Variants in ZNF549 observed in about 807,000 individuals in gnomAD.
ZNF549 encodes zinc finger protein 549.
ZNF549 carries 11 observed loss-of-function variants against 11.1 expected under a neutral mutation model. The observed-to-expected ratio is 0.99, with a 90% confidence interval of 0.62 to 1.64. The LOEUF (loss-of-function observed/expected upper bound fraction) is 1.64, where lower values mean the gene tolerates loss of function less well. Ranked by LOEUF, ZNF549 falls within the 40% of genes most tolerant of loss-of-function variation. ZNF549 has a pLI of 0.00. For synonymous variants in ZNF549, 266 were observed against 269.1 expected (o/e 0.99, Z 0.11); for missense variants, 748 against 765.1 (o/e 0.98, Z 0.26).
chr19:57,531,289 C>T (rs981890045), intron 2 of ZNF549, among the ~76,000 whole-genome samples, 181 bp downstream of exon 2: 49 of 152,176 alleles, frequency 3.2e-4, no homozygotes, highest in African/African-American at 1.2e-3. Context: ...GTTCCCATTT[C>T]TGCATCCAAT....
In ZNF549 at chr19:57,537,963, T is replaced by C; in HGVS notation, c.959T>C (p.Val320Ala). ...TCCTTGAGCTCCAAATACTCACTTGTGGAACACCAGAGAACCCATAATGGA... is the reference window on the plus strand; with the variant it reads ...TCCTTGAGCTCCAAATACTCACTTGCGGAACACCAGAGAACCCATAATGGA... ...GKSLSSKYSL[V>A]EHQRTHNGEK... Residue 320 changes from valine (V) to alanine (A), a missense_variant, in exon 4 of 4, where the codon GTG (valine) becomes GCG (alanine). Transcript: ENST00000376233. 1.2e-6 allele frequency: 2 copies of C among 1,614,158 alleles called. No individual in the cohort carries two copies. The highest frequency in any genetic ancestry group is 1.3e-5 in the African/African-American group (1 of 75,050).
At position 57,538,651 on chromosome 19, in the gene ZNF549, A is replaced by T; in HGVS notation, c.1647A>T (p.Lys549Asn). ...AAAAAAGACTTCTTGAGCACCAGAAAGTTCACACTGGCGAAAAGCCCTGTG... is the reference window on the plus strand; with the variant it reads ...AAAAAAGACTTCTTGAGCACCAGAATGTTCACACTGGCGAAAAGCCCTGTG... ...SHQKRLLEHQKVHTGEKPCEC... is the reference protein window; with the variant it reads ...SHQKRLLEHQNVHTGEKPCEC... The change falls in exon 4 of 4, where the codon AAA (lysine) becomes AAT (asparagine). Residue 549 changes from lysine (K) to asparagine (N), a missense_variant. Coordinates refer to ENST00000376233, the MANE Select transcript of ZNF549 (RefSeq NM_001199295.2). 6.2e-7 allele frequency: 1 copy of T among 1,614,238 alleles called. No homozygotes were observed. The highest frequency in any genetic ancestry group is 8.5e-7 in the Non-Finnish European group (1 of 1,180,032).
chr19:57,535,071 A>G, intron 2 of ZNF549, 73 bp from the exon 3 acceptor site: 1 of 1,575,570 alleles, frequency 6.3e-7, no homozygotes, highest in Non-Finnish European at 8.7e-7. Context: ...TTGGAGAACT[A>G]GGGAGGAGCG....
chr19:57,538,286 C>T lies in ZNF549; in HGVS notation c.1282C>T (p.His428Tyr), dbSNP rs1327235461. The change falls in exon 4 of 4, where the codon CAC becomes TAC. Residue 428 changes from histidine to tyrosine, a missense_variant. Coordinates refer to ENST00000376233, the MANE Select transcript of ZNF549 (RefSeq NM_001199295.2). ...ECKECGKAFIHKKRLLEHQRI... is the reference protein window; with the variant it reads ...ECKECGKAFIYKKRLLEHQRI... The stretch of plus-strand genomic sequence containing the variant: ...CAAAGAATGTGGGAAGGCCTTCATT[C>T]ACAAAAAAAGACTTCTTGAGCACCA... 2 of 1,612,870 alleles carry T rather than the reference C, an allele frequency of 1.2e-6. No homozygotes were observed. Among genetic ancestry groups the T allele is most frequent in the African/African-American group, 2.7e-5 (2 of 74,558 alleles).
At chr19:57,528,252 T>A (rs917032108) in intron 1 of ZNF549, among the ~76,000 whole-genome samples, 36 of 152,232 alleles carry the variant, frequency 2.4e-4, no homozygotes, top group African/African-American at 8.7e-4. Flanking sequence ...TTCTTTTACC[T>A]GAACATCTGG....
Position 57,537,759 on chromosome 19 carries a change from A to G in ZNF549, c.755A>G (p.Tyr252Cys), listed in dbSNP as rs757895769. 6.2e-7 allele frequency: 1 copy of G among 1,614,088 alleles called. No individual in the cohort carries two copies. Among genetic ancestry groups the G allele is most frequent in the Admixed American group, 1.7e-5 (1 of 60,016 alleles). ...TGEKAYKRRE[Y>C]GKSLNSKYLF... The stretch of plus-strand genomic sequence containing the variant: ...GAAAAAGCTTATAAGCGTAGGGAAT[A>G]TGGGAAATCCTTGAACTCTAAATAC... Residue 252 changes from tyrosine to cysteine, a missense_variant, in exon 4 of 4, where the codon TAT becomes TGT. Transcript: ENST00000376233.
Position 57,538,111 on chromosome 19 carries a change from T to C in ZNF549, c.1107T>C (p.Ser369=). 1 of 1,614,090 alleles carries C rather than the reference T, an allele frequency of 6.2e-7. No homozygotes were observed. Among genetic ancestry groups the C allele is most frequent in the Non-Finnish European group, 8.5e-7 (1 of 1,179,992 alleles). ...RPYVCMECGK[S]FIHSYDRIRH... ...ATGTGTGTATGGAATGTGGGAAATC[T>C]TTTATTCATTCCTATGACCGCATTC... is the stretch of plus-strand genomic sequence containing the variant. Residue 369 remains serine, a synonymous_variant, in exon 4 of 4, where the codon TCT becomes TCC. Coordinates refer to ENST00000376233, the MANE Select transcript of ZNF549 (RefSeq NM_001199295.2).
rs1296333118 is a variant in ZNF549 at position 57,539,865 on chromosome 19, CAGAGT to C, written c.*942_*946del. 1 of 152,186 alleles carries C rather than the reference CAGAGT, an allele frequency of 6.6e-6. No individual in the cohort carries two copies. The highest frequency in any genetic ancestry group is 2.4e-5 in the African/African-American group (1 of 41,436). The allele number at this position is 152,186 out of a possible 1,614,324, so 9.4% of individuals were successfully genotyped here. On this transcript the variant is annotated 3_prime_UTR_variant, in exon 4 of 4. Coordinates refer to ENST00000376233, the MANE Select transcript of ZNF549 (RefSeq NM_001199295.2). ...GGCCCAGACAGGTAGGTGTGATAAA[CAGAGT>C]AGAAAAGATTGTGGCCAAGAAGAGT...
intron 1 of ZNF549, among the ~76,000 whole-genome samples, chr19:57,530,714 AC>A (rs1419499917): frequency 6.6e-6 from 1 of 152,162 alleles, no homozygotes; most frequent in Non-Finnish European, 1.5e-5. Context: ...GTGGGAAAAG[AC>A]ACTACATATT....
In ZNF549 at chr19:57,538,636, T is replaced by A; in HGVS notation, c.1632T>A (p.Leu544=). Residue 544 remains leucine, a synonymous_variant, in exon 4 of 4, where the codon CTT becomes CTA. Coordinates refer to ENST00000376233, the MANE Select transcript of ZNF549 (RefSeq NM_001199295.2). ...AAGTCTTCAGCCACCAAAAAAGACT[T>A]CTTGAGCACCAGAAAGTTCACACTG... The part of the protein sequence containing the change: ...CGKVFSHQKR[L]LEHQKVHTGE... 6.2e-7 allele frequency: 1 copy of A among 1,614,100 alleles called. No individual in the cohort carries two copies. The highest frequency in any genetic ancestry group is 1.1e-5 in the South Asian group (1 of 91,080).
rs1040849068 is a variant in ZNF549 at position 57,538,276 on chromosome 19, G to A, written c.1272G>A (p.Lys424=). The part of the protein sequence containing the change: ...ERPYECKECG[K]AFIHKKRLLE... ...CTTATGAGTGCAAAGAATGTGGGAA[G>A]GCCTTCATTCACAAAAAAAGACTTC... is the stretch of plus-strand genomic sequence containing the variant. Residue 424 remains lysine (K), a synonymous_variant, in exon 4 of 4, where the codon AAG becomes AAA. Transcript: ENST00000376233. 1 of 1,611,246 alleles carries A rather than the reference G, an allele frequency of 6.2e-7. No individual in the cohort carries two copies. The highest frequency in any genetic ancestry group is 2.2e-5 in the East Asian group (1 of 44,660).
In ZNF549 at chr19:57,534,542, T is replaced by C. The variant is rs180910062; in HGVS notation, c.73-602T>C. Among the ~76,000 whole-genome samples, 366 of 152,212 alleles carry C rather than the reference T, an allele frequency of 2.4e-3. 2 individuals are homozygous for C. The highest frequency in any genetic ancestry group is 8.6e-3 in the African/African-American group (358 of 41,528). Reference sequence around the variant, plus strand: ...AGTATAGGTGGAGAGAGGAAAGATATGACTGGTGTGGGGACAGCACAGGCA... The same window carrying C: ...AGTATAGGTGGAGAGAGGAAAGATACGACTGGTGTGGGGACAGCACAGGCA... On this transcript the variant is annotated intron_variant, in intron 2 of 3. Coordinates refer to ENST00000376233, the MANE Select transcript of ZNF549 (RefSeq NM_001199295.2).
At position 57,538,750 on chromosome 19, in the gene ZNF549, G is replaced by T; in HGVS notation, c.1746G>T (p.Glu582Asp). 1 of 1,614,226 alleles carries T rather than the reference G, an allele frequency of 6.2e-7. No individual in the cohort carries two copies. Among genetic ancestry groups the T allele is most frequent in the Non-Finnish European group, 8.5e-7 (1 of 1,180,048 alleles). Residue 582 changes from glutamate to aspartate, a missense_variant, in exon 4 of 4, where the codon GAG becomes GAT. Transcript: ENST00000376233. Reference sequence around the variant, plus strand: ...AACACCAGAAAGTTCACAGTGGAGAGAGGCCTTATAACTGCACTGCATGTG... The same window carrying T: ...AACACCAGAAAGTTCACAGTGGAGATAGGCCTTATAACTGCACTGCATGTG... ...LIQHQKVHSG[E>D]RPYNCTACEK...
At position 57,538,175 on chromosome 19, in the gene ZNF549, T is replaced by C; in HGVS notation, c.1171T>C (p.Cys391Arg). Residue 391 changes from cysteine (C) to arginine (R), a missense_variant, in exon 4 of 4, where the codon TGC becomes CGC. Cys to Arg is a radical substitution (Grantham distance 180). Transcript: ENST00000376233. ...TCACACTGGAGAAGGGGCTTATCAG[T>C]GCAGTGAATGTGGGAAATCCTTCAT... The part of the protein sequence containing the change: ...RVHTGEGAYQ[C>R]SECGKSFIYK... The C allele has an allele frequency of 6.2e-7, 1 of 1,614,200 alleles. No individual in the cohort carries two copies. The highest frequency in any genetic ancestry group is 8.5e-7 in the Non-Finnish European group (1 of 1,180,038).
intron 1 of ZNF549, 59 bp from the exon 2 acceptor site, chr19:57,531,011 T>C: frequency 6.4e-7 from 1 of 1,557,872 alleles, no homozygotes; most frequent in Non-Finnish European, 8.7e-7. Flanking sequence ...CAAGAGCAAC[T>C]TACCCTTTGT....
Position 57,537,376 on chromosome 19 carries a change from G to T in ZNF549, c.372G>T (p.Gly124=). 2 of 1,614,178 alleles carry T rather than the reference G, an allele frequency of 1.2e-6. No homozygotes were observed. The highest frequency in any genetic ancestry group is 1.7e-6 in the Non-Finnish European group (2 of 1,180,024). Reference sequence around the variant, plus strand: ...TTTTGTACCTCAGTGAGCATCAGGGGACACTTCCCTGGCAGAAACCTTATA... The same window carrying T: ...TTTTGTACCTCAGTGAGCATCAGGGTACACTTCCCTGGCAGAAACCTTATA... ...KDILYLSEHQ[G]TLPWQKPYTS... is the part of the protein sequence containing the mutation. Residue 124 remains glycine, a synonymous_variant, in exon 4 of 4, where the codon GGG becomes GGT. Transcript: ENST00000376233.
chr19:57,533,977 T>A (rs1184882928), intron 2 of ZNF549, among the ~76,000 whole-genome samples: 1 of 152,124 alleles, frequency 6.6e-6, no homozygotes, highest in Non-Finnish European at 1.5e-5. Flanking sequence ...GACTTCTTGG[T>A]GGTGGTGTTA....
At chr19:57,532,673 T>A (rs1210435480) in intron 2 of ZNF549, among the ~76,000 whole-genome samples, 1 of 152,228 alleles carries the variant, frequency 6.6e-6, no homozygotes, top group Non-Finnish European at 1.5e-5. Context: ...TGTTGAATAT[T>A]CCGTGTGAGC....
At position 57,527,654 on chromosome 19, in the gene ZNF549, C is replaced by G. The variant is rs372631477; in HGVS notation, c.33+48C>G. On this transcript the variant is annotated intron_variant, in intron 1 of 3. Transcript: ENST00000376233. ...CTCACCTGGGTCCTGAGGCCCCGGA[C>G]TGGGGTCACCTGCGTGGGTCTCTGC... The G allele has an allele frequency of 1.3e-5, 21 of 1,599,248 alleles. No individual in the cohort carries two copies. In the African/African-American group the frequency reaches 2.8e-4, roughly 22 times the overall value.
Sources: gnomAD v4.1 joint callset for allele counts (sites outside exome capture counted in the v4.1 genomes callset) on GRCh38, gnomAD v4.1.1 for gene constraint, MANE v1.5 for transcripts, NCBI Gene and HGNC (gene_info 2026-07-23, HGNC 2026-07-21) for gene names.